Variants in LRRC4C observed in about 807,000 individuals in gnomAD.
LRRC4C encodes the protein leucine-rich repeat-containing protein 4C.
Under a neutral mutation model 33.6 loss-of-function variants are expected in LRRC4C, and 5 were observed. That is an observed-to-expected ratio of 0.15 (90% CI 0.08 to 0.31). The LOEUF (loss-of-function observed/expected upper bound fraction) is 0.31, where lower values mean the gene tolerates loss of function less well. LRRC4C is among the 10% of genes least tolerant of loss of function. LRRC4C has a pLI of 1.00. For synonymous variants in LRRC4C, 329 were observed against 302.0 expected (o/e 1.09, Z -0.93); for missense variants, 560 against 796.7 (o/e 0.70, Z 3.58).
intron 2 of LRRC4C, among the ~76,000 whole-genome samples, chr11:40,681,883 G>A (rs1030085538): frequency 2.6e-5 from 4 of 152,116 alleles, no homozygotes; most frequent in Non-Finnish European, 5.9e-5. Flanking sequence ...CTGATATGTG[G>A]GAGCTAAGCT....
chr11:40,778,561 G>T (rs1005680835), intron 2 of LRRC4C, among the ~76,000 whole-genome samples: 2 of 152,138 alleles, frequency 1.3e-5, no homozygotes, highest in Non-Finnish European at 2.9e-5. Context: ...GGTGCTAAAT[G>T]CTCAGGAGAA....
intron 1 of LRRC4C, among the ~76,000 whole-genome samples, chr11:41,160,373 C>G (rs1944415121): frequency 6.8e-6 from 1 of 146,360 alleles, no homozygotes; most frequent in Admixed American, 6.8e-5. Flanking sequence ...TAGCAAGACC[C>G]TCTTTCTAAA....
chr11:40,396,109 T>C (rs1029356947), intron 3 of LRRC4C, among the ~76,000 whole-genome samples: 6 of 152,290 alleles, frequency 3.9e-5, no homozygotes, highest in African/African-American at 1.4e-4. Flanking sequence ...GCGGCTCTTG[T>C]TCACACATTG....
At chr11:40,886,576 C>A (rs568897048) in intron 2 of LRRC4C, among the ~76,000 whole-genome samples, 1 of 151,604 alleles carries the variant, frequency 6.6e-6, no homozygotes, top group South Asian at 2.1e-4. Context: ...AGGAGTTTAT[C>A]CTCAACTGAT....
chr11:41,397,730 TC>T (rs1388808079), intron 1 of LRRC4C, among the ~76,000 whole-genome samples: 1 of 151,552 alleles, frequency 6.6e-6, no homozygotes, highest in Non-Finnish European at 1.5e-5. Context: ...TTTGCAATAA[TC>T]TCATATTTTG....
chr11:40,244,775 T>G (rs1458358461), intron 4 of LRRC4C, among the ~76,000 whole-genome samples: 1 of 152,048 alleles, frequency 6.6e-6, no homozygotes, highest in African/African-American at 2.4e-5. Context: ...TAAAGAGAGA[T>G]TCTTAAAAAG....
chr11:40,825,238 C>T (rs1253685006), intron 2 of LRRC4C, among the ~76,000 whole-genome samples: 1 of 151,938 alleles, frequency 6.6e-6, no homozygotes, highest in Non-Finnish European at 1.5e-5. Flanking sequence ...ACAAATTCTA[C>T]CTAAGTGTGT....
intron 1 of LRRC4C, among the ~76,000 whole-genome samples, chr11:41,175,505 C>T (rs1042773926): frequency 1.3e-5 from 2 of 152,030 alleles, no homozygotes; most frequent in East Asian, 1.9e-4. Context: ...TCACTGAATC[C>T]TTGCAGTAGG....
chr11:40,614,495 A>G (rs1961558873), intron 3 of LRRC4C, among the ~76,000 whole-genome samples: 1 of 147,998 alleles, frequency 6.8e-6, no homozygotes, highest in South Asian at 2.2e-4. Flanking sequence ...TCTCCATATC[A>G]GCAATAAAGC....
chr11:40,729,384 T>C (rs1266626534), intron 2 of LRRC4C, among the ~76,000 whole-genome samples: 1 of 152,182 alleles, frequency 6.6e-6, no homozygotes, highest in Non-Finnish European at 1.5e-5. Flanking sequence ...GTAACTCCCA[T>C]GATATACTTT....
intron 1 of LRRC4C, among the ~76,000 whole-genome samples, chr11:41,229,875 AG>A (rs1216913613): frequency 6.6e-6 from 1 of 152,058 alleles, no homozygotes; most frequent in Non-Finnish European, 1.5e-5. Flanking sequence ...CCTTCACTGA[AG>A]CATCTAAAAG....
At chr11:40,717,494 C>A in intron 2 of LRRC4C, among the ~76,000 whole-genome samples, 1 of 151,924 alleles carries the variant, frequency 6.6e-6, no homozygotes. Context: ...CTTTTTGGTA[C>A]TAATGTTCTT....
intron 2 of LRRC4C, among the ~76,000 whole-genome samples, chr11:40,920,374 T>G (rs927133952): frequency 6.6e-6 from 1 of 152,108 alleles, no homozygotes; most frequent in African/African-American, 2.4e-5. Context: ...CATAATACAG[T>G]GAAGACATTA....
intron 3 of LRRC4C, among the ~76,000 whole-genome samples, chr11:40,562,531 C>CAG (rs72508032): frequency 0.57 from 86,536 of 151,706 alleles, 25,054 homozygotes; most frequent in East Asian, 0.8. Flanking sequence ...CATGAGGAAA[C>CAG]ACTCCCATAA....
chr11:40,266,665 C>A (rs1223963674), intron 4 of LRRC4C, among the ~76,000 whole-genome samples: 1 of 152,136 alleles, frequency 6.6e-6, no homozygotes. Flanking sequence ...AAGGCACAGA[C>A]ATTTGTTGAA....
At chr11:40,252,823 T>A (rs1331552493) in intron 4 of LRRC4C, among the ~76,000 whole-genome samples, 1 of 152,214 alleles carries the variant, frequency 6.6e-6, no homozygotes, top group East Asian at 1.9e-4. Context: ...TTTATTCTCA[T>A]AATGTGCATT....
chr11:40,864,784 T>G (rs1954271644), intron 2 of LRRC4C, among the ~76,000 whole-genome samples: 1 of 152,208 alleles, frequency 6.6e-6, no homozygotes, highest in South Asian at 2.1e-4. Flanking sequence ...CTATGGAATT[T>G]TATAGATTCA....
intron 4 of LRRC4C, among the ~76,000 whole-genome samples, chr11:40,271,719 C>T (rs920967852): frequency 5.9e-5 from 9 of 152,188 alleles, no homozygotes; most frequent in African/African-American, 2.4e-5. Flanking sequence ...AGACCCCTGT[C>T]TACCGATGTG....
intron 1 of LRRC4C, among the ~76,000 whole-genome samples, chr11:41,165,298 T>C (rs1244996981): frequency 1.3e-5 from 2 of 152,146 alleles, no homozygotes; most frequent in African/African-American, 2.4e-5. Flanking sequence ...ATCACCATCA[T>C]ATATGAGATC....
Sources: allele counts gnomAD v4.1 joint callset (sites outside exome capture counted in the v4.1 genomes callset), GRCh38; gene constraint gnomAD v4.1.1; transcripts MANE v1.5; gene names NCBI Gene and HGNC (gene_info 2026-07-23, HGNC 2026-07-21).